Variants in MSI2 observed in about 807,000 individuals in gnomAD.
The protein encoded by MSI2 is RNA-binding protein Musashi homolog 2.
A neutral mutation model predicts 45.6 loss-of-function variants in MSI2; 17 were observed. That is an observed-to-expected ratio of 0.37 (90% CI 0.26 to 0.56). The LOEUF is 0.56. MSI2 is among the 20% of genes least tolerant of loss of function. The pLI, the probability that MSI2 is intolerant of heterozygous loss-of-function variation, is 0.77. For synonymous variants in MSI2, 156 were observed against 158.2 expected, an observed-to-expected ratio of 0.99 and a Z score of 0.11; for missense variants, 293 against 444.2, an observed-to-expected ratio of 0.66 and a Z score of 3.06.
chr17:57,417,254 C>T (rs1055269053), intron 6 of MSI2, among the ~76,000 whole-genome samples: 2 of 152,100 alleles, frequency 1.3e-5, no homozygotes, highest in African/African-American at 2.4e-5. Flanking sequence ...CCAGTGTTGC[C>T]ATGGTAGGTG....
chr17:57,373,999 C>G (rs962950045), intron 5 of MSI2, among the ~76,000 whole-genome samples: 1 of 152,056 alleles, frequency 6.6e-6, no homozygotes, highest in African/African-American at 2.4e-5. Flanking sequence ...TGATGGGGAC[C>G]GATTTACCAT....
intron 10 of MSI2, among the ~76,000 whole-genome samples, chr17:57,639,111 C>T (rs1049115001): frequency 4.6e-5 from 7 of 152,082 alleles, no homozygotes; most frequent in Non-Finnish European, 8.8e-5. Flanking sequence ...AGGACTCCAC[C>T]CTCATGACCT....
At chr17:57,360,298 G>C (rs1417276955) in intron 5 of MSI2, among the ~76,000 whole-genome samples, 1 of 152,216 alleles carries the variant, frequency 6.6e-6, no homozygotes, top group East Asian at 1.9e-4. Flanking sequence ...CATCAGAAAG[G>C]GCTTGAGGCC....
At chr17:57,409,932 CA>C (rs1218810028) in intron 6 of MSI2, among the ~76,000 whole-genome samples, 2 of 135,440 alleles carry the variant, frequency 1.5e-5, no homozygotes, top group Admixed American at 9.1e-5. Context: ...CTCTTGAACC[CA>C]GGAGGTGGAG....
chr17:57,391,945 T>C (rs1001465379), intron 5 of MSI2, among the ~76,000 whole-genome samples: 4 of 152,222 alleles, frequency 2.6e-5, no homozygotes, highest in Admixed American at 2.0e-4. Context: ...CTTGAGAAAG[T>C]CTTTGGGGTC....
At chr17:57,668,311 A>C (rs1339078550) in intron 11 of MSI2, among the ~76,000 whole-genome samples, 3 of 152,096 alleles carry the variant, frequency 2.0e-5, no homozygotes, top group Non-Finnish European at 2.9e-5. Context: ...GTTATATGAG[A>C]GTTTTAGAAC....
intron 6 of MSI2, among the ~76,000 whole-genome samples, chr17:57,420,217 C>A (rs2084370156): frequency 6.6e-6 from 1 of 152,188 alleles, no homozygotes; most frequent in South Asian, 2.1e-4. Flanking sequence ...AGGCCACCCT[C>A]CAGCAAGGTA....
At chr17:57,361,657 A>T (rs913583267) in intron 5 of MSI2, among the ~76,000 whole-genome samples, 7 of 151,968 alleles carry the variant, frequency 4.6e-5, no homozygotes, top group Admixed American at 4.6e-4. Flanking sequence ...TATATTTACT[A>T]TTCTTTAAGT....
intron 5 of MSI2, among the ~76,000 whole-genome samples, chr17:57,353,381 C>T (rs760550596): frequency 6.6e-6 from 1 of 152,112 alleles, no homozygotes; most frequent in African/African-American, 2.4e-5. Flanking sequence ...CGATGTGATT[C>T]CTTGGGTTTT....
chr17:57,302,567 T>C (rs1236895276), intron 5 of MSI2, among the ~76,000 whole-genome samples: 1 of 152,216 alleles, frequency 6.6e-6, no homozygotes, highest in Non-Finnish European at 1.5e-5. Context: ...ACTTATTAAA[T>C]GACACAAATG....
At chr17:57,490,361 C>T (rs573005013) in intron 6 of MSI2, among the ~76,000 whole-genome samples, 1 of 152,222 alleles carries the variant, frequency 6.6e-6, no homozygotes, top group Non-Finnish European at 1.5e-5. Flanking sequence ...CTTGAAGTGG[C>T]TACAGTGCCA....
intron 6 of MSI2, among the ~76,000 whole-genome samples, chr17:57,428,692 G>T (rs1256080664): frequency 2.0e-5 from 3 of 152,142 alleles, no homozygotes; most frequent in Non-Finnish European, 4.4e-5. Flanking sequence ...GTAGCAAAAA[G>T]CTGGGTCTCA....
intron 7 of MSI2, among the ~76,000 whole-genome samples, chr17:57,594,923 T>G (rs894708480): frequency 6.6e-6 from 1 of 152,180 alleles, no homozygotes; most frequent in Non-Finnish European, 1.5e-5. Context: ...ACTGGCCCAG[T>G]ATTTGGCGGG....
rs140959084 is a variant in MSI2, at chr17:57,355,652, G to C, written c.313-45727G>C. ...GACCACATGATTCTTTTGCTCTGAGGGTTGGGCCAAACCCCCTCCCTTGTT... is the reference window on the plus strand; with the variant it reads ...GACCACATGATTCTTTTGCTCTGAGCGTTGGGCCAAACCCCCTCCCTTGTT... On this transcript the variant is annotated intron_variant, in intron 5 of 13. Transcript: ENST00000284073. 4.7e-3 allele frequency among the ~76,000 whole-genome samples: 709 copies of C among 152,246 alleles called. 4 individuals carry two copies. The highest frequency in any genetic ancestry group is 0.017 in the African/African-American group (686 of 41,532).
rs114404950 is a variant in MSI2, at chr17:57,392,004, C to T, written c.313-9375C>T. ...CCGTGTGGTGAGCACTGGGGGGCAG[C>T]GGCTCCCAGAGGGATGGAGTGATGG... On this transcript the variant is annotated intron_variant, in intron 5 of 13. Coordinates refer to ENST00000284073, the MANE Select transcript of MSI2 (RefSeq NM_138962.4). 4.4e-3 allele frequency among the ~76,000 whole-genome samples: 675 copies of T among 152,310 alleles called. 4 individuals carry two copies. Among genetic ancestry groups the T allele is most frequent in the African/African-American group, 0.015 (627 of 41,566 alleles).
chr17:57,442,757 C>G (rs1480211614), intron 6 of MSI2, among the ~76,000 whole-genome samples: 1 of 152,194 alleles, frequency 6.6e-6, no homozygotes, highest in African/African-American at 2.4e-5. Flanking sequence ...CTTACTCTTC[C>G]TTTCTTCCTG....
chr17:57,618,351 C>T (rs1302439432), intron 9 of MSI2: 2 of 152,088 alleles, frequency 1.3e-5, no homozygotes, highest in African/African-American at 2.4e-5. Flanking sequence ...CTGTGAGTAC[C>T]CACTGCACCA....
At chr17:57,541,255 T>TAACC (rs2087039872) in intron 7 of MSI2, among the ~76,000 whole-genome samples, 1 of 152,100 alleles carries the variant, frequency 6.6e-6, no homozygotes, top group Admixed American at 6.6e-5. Context: ...AGCCAAGGAA[T>TAACC]AACCAGTACA....
chr17:57,649,516 A>G (rs919793599), intron 10 of MSI2, among the ~76,000 whole-genome samples: 1 of 152,038 alleles, frequency 6.6e-6, no homozygotes, highest in African/African-American at 2.4e-5. Flanking sequence ...CATTACACAC[A>G]TACACCTGAC....
Sources: gnomAD v4.1 joint callset for allele counts (sites outside exome capture counted in the v4.1 genomes callset) on GRCh38, gnomAD v4.1.1 for gene constraint, MANE v1.5 for transcripts, NCBI Gene and HGNC (gene_info 2026-07-23, HGNC 2026-07-21) for gene names.